Variants in SFTPD observed in about 807,000 individuals in gnomAD.
SFTPD encodes surfactant protein D, also known as pulmonary surfactant-associated protein D.
Under a neutral mutation model 34.6 loss-of-function variants are expected in SFTPD, and 18 were observed. That is an observed-to-expected ratio of 0.52 (90% CI 0.36 to 0.77). The LOEUF is 0.77. Among genes scored for constraint, SFTPD ranks in the 30% least tolerant of loss-of-function variants. SFTPD has a pLI of 0.00. For synonymous variants in SFTPD, 155 were observed against 180.9 expected (o/e 0.86, Z 1.15); for missense variants, 433 against 468.9 (o/e 0.92, Z 0.71).
At chr10:79,982,055 G>A in intron 1 of SFTPD, 2 of 296,424 alleles carry the variant, frequency 6.7e-6, no homozygotes, top group South Asian at 1.3e-4. Context: ...GGCCCTGGAC[G>A]TGCGGGGGGT....
chr10:79,941,417 CT>C lies in SFTPD; in HGVS notation c.647del (p.Lys216ArgfsTer12). 6.2e-7 allele frequency: 1 copy of C among 1,614,106 alleles called. No homozygotes were observed. The highest frequency in any genetic ancestry group is 8.5e-7 in the Non-Finnish European group (1 of 1,179,968). On this transcript the variant is annotated frameshift_variant, in exon 6 of 8. Coordinates refer to ENST00000372292, the MANE Select transcript of SFTPD (RefSeq NM_003019.5). LOFTEE classifies it high-confidence loss of function. Reference sequence around the variant, plus strand: ...CCTTACCTGGAAGCCCACTTTCTCCCTTTGCTCCTTTGTCTCCAGGAATGCC... The same window carrying C: ...CCTTACCTGGAAGCCCACTTTCTCCCTTGCTCCTTTGTCTCCAGGAATGCC... The part of the protein sequence containing the change: ...DKGIPGDKGA[K>X]GESGLPDVAS...
intron 1 of SFTPD, chr10:79,970,962 C>G (rs1237789276): frequency 6.6e-6 from 1 of 152,122 alleles, no homozygotes; most frequent in South Asian, 2.1e-4. Context: ...GAGGAAAATA[C>G]TTCAGCTTTT....
At chr10:79,958,761 C>G (rs1842754932) in intron 1 of SFTPD, among the ~76,000 whole-genome samples, 2 of 152,126 alleles carry the variant, frequency 1.3e-5, no homozygotes, top group Admixed American at 1.3e-4. Flanking sequence ...CAAGGATATC[C>G]AGGAATTGAA....
At chr10:79,952,415 C>A (rs1842715360), upstream of SFTPD, among the ~76,000 whole-genome samples, 1 of 152,194 alleles carries the variant, frequency 6.6e-6, no homozygotes, top group Non-Finnish European at 1.5e-5. Context: ...GTGTCACCTG[C>A]CTACTGGTGC....
chr10:79,974,853 T>C (rs564816145), intron 1 of SFTPD, among the ~76,000 whole-genome samples: 74 of 152,224 alleles, frequency 4.9e-4, no homozygotes, highest in Middle Eastern at 6.8e-3. Flanking sequence ...CACACAGAAA[T>C]ATAGAGGTGT....
At chr10:79,975,363 C>A (rs983833441) in intron 1 of SFTPD, among the ~76,000 whole-genome samples, 1 of 152,178 alleles carries the variant, frequency 6.6e-6, no homozygotes, top group African/African-American at 2.4e-5. Context: ...TCTCCTTCCT[C>A]CTCCTCATCA....
chr10:79,940,935 C>G (rs1842604972), intron 6 of SFTPD, 147 bp from the exon 7 acceptor site: 2 of 605,240 alleles, frequency 3.3e-6, no homozygotes, highest in Non-Finnish European at 6.0e-6. Flanking sequence ...ACACAGCTGG[C>G]CTCTGCTGTG....
At chr10:79,953,805 A>G (rs11200859), upstream of SFTPD, among the ~76,000 whole-genome samples, 22,273 of 151,986 alleles carry the variant, frequency 0.15, 2,073 homozygotes, top group East Asian at 0.41. Context: ...GGTTTGCTTC[A>G]TCGTGTCCCA....
At chr10:79,955,367 T>A (rs926780752) in intron 1 of SFTPD, among the ~76,000 whole-genome samples, 4 of 152,152 alleles carry the variant, frequency 2.6e-5, no homozygotes, top group Non-Finnish European at 5.9e-5. Flanking sequence ...GAGTAAGGTT[T>A]TATCTTAAAA....
chr10:79,946,350 G>C, intron 2 of SFTPD, 111 bp downstream of exon 2: 1 of 821,664 alleles, frequency 1.2e-6, no homozygotes, highest in Admixed American at 2.1e-5. Flanking sequence ...CTTCTTGGGA[G>C]GAAGAAACAC....
At chr10:79,939,594 GCACACACA>G (rs1842591921) in intron 7 of SFTPD, among the ~76,000 whole-genome samples, 3 of 152,166 alleles carry the variant, frequency 2.0e-5, no homozygotes, top group Non-Finnish European at 4.4e-5. Flanking sequence ...GTGTTTAAGT[GCACACACA>G]TGCAGTGGGT....
At chr10:79,975,186 C>T (rs1448219960) in intron 1 of SFTPD, among the ~76,000 whole-genome samples, 1 of 152,132 alleles carries the variant, frequency 6.6e-6, no homozygotes. Flanking sequence ...GGGGCAACTA[C>T]TTTTTGCCCA....
At chr10:79,982,376 C>T (rs1842896524) in intron 1 of SFTPD, among the ~76,000 whole-genome samples, 1 of 151,704 alleles carries the variant, frequency 6.6e-6, no homozygotes, top group African/African-American at 2.4e-5. Flanking sequence ...CAGCCGCTCC[C>T]GCGGCGGGGC....
At chr10:79,943,891 G>A (rs953330984) in intron 2 of SFTPD, among the ~76,000 whole-genome samples, 2 of 152,202 alleles carry the variant, frequency 1.3e-5, no homozygotes, top group Non-Finnish European at 2.9e-5. Flanking sequence ...CTTCACCCAG[G>A]CCAAGTCAGC....
At chr10:79,959,183 G>A (rs374036588) in intron 1 of SFTPD, among the ~76,000 whole-genome samples, 6 of 148,004 alleles carry the variant, frequency 4.1e-5, no homozygotes, top group Non-Finnish European at 7.4e-5. Flanking sequence ...ATGCCCACAA[G>A]AGAAAGCAGG....
rs1280986768 is a variant in SFTPD at position 79,942,806 on chromosome 10, G to A, written c.273C>T (p.Gly91=). The A allele has an allele frequency of 6.2e-7, 1 of 1,613,598 alleles. No homozygotes were observed. Among genetic ancestry groups the A allele is most frequent in the African/African-American group, 1.3e-5 (1 of 74,874 alleles). Residue 91 remains glycine, a synonymous_variant, in exon 3 of 8, where the codon GGC becomes GGT. Coordinates refer to ENST00000372292, the MANE Select transcript of SFTPD (RefSeq NM_003019.5). ...AGPVGPKGDN[G]SVGEPGPKGD... ...CCTTTGGTCCAGGTTCTCCAACAGA[G>A]CCATTGTCCCCTTTGGGCCCAACTG...
chr10:79,940,851 T>C, intron 6 of SFTPD, 63 bp from the exon 7 acceptor site: 1 of 1,135,682 alleles, frequency 8.8e-7, no homozygotes, highest in Non-Finnish European at 1.3e-6. Flanking sequence ...GCTCAGAGTC[T>C]GGGCCCCAAA....
chr10:79,954,747 A>C (rs911922199), intron 1 of SFTPD, among the ~76,000 whole-genome samples: 1 of 152,154 alleles, frequency 6.6e-6, no homozygotes, highest in Non-Finnish European at 1.5e-5. Flanking sequence ...TTCCTTCTCA[A>C]TGAGGCTTTT....
intron 1 of SFTPD, among the ~76,000 whole-genome samples, chr10:79,958,069 G>A (rs943158747): frequency 3.9e-5 from 6 of 152,160 alleles, no homozygotes; most frequent in African/African-American, 1.4e-4. Context: ...AAGTGAAGGA[G>A]AAATAAAATA....
Sources: allele counts gnomAD v4.1 joint callset (sites outside exome capture counted in the v4.1 genomes callset), GRCh38; gene constraint gnomAD v4.1.1; transcripts MANE v1.5; gene names NCBI Gene and HGNC (gene_info 2026-07-23, HGNC 2026-07-21).